The following TBX15 variants were observed in gnomAD, a reference collection of about 807,000 sequenced individuals.
The protein encoded by TBX15 is T-box transcription factor 15, also known as T-box transcription factor TBX15.
A neutral mutation model predicts 53.9 loss-of-function variants in TBX15; 18 were observed. The observed-to-expected ratio is 0.33, with a 90% CI of 0.23 to 0.49. The LOEUF (loss-of-function observed/expected upper bound fraction) is 0.49, where lower values mean the gene tolerates loss of function less well. Among genes scored for constraint, TBX15 ranks in the 20% least tolerant of loss-of-function variants. TBX15 has a pLI of 0.98. For synonymous variants in TBX15, 295 were observed against 278.0 expected, an observed-to-expected ratio of 1.06 and a Z score of -0.61; for missense variants, 692 against 749.5, an observed-to-expected ratio of 0.92 and a Z score of 0.90.
At chr1:118,887,116 G>C (rs888751845) in intron 7 of TBX15, among the ~76,000 whole-genome samples, 1 of 152,136 alleles carries the variant, frequency 6.6e-6, no homozygotes, top group African/African-American at 2.4e-5. Context: ...CTAGGGCTGC[G>C]GGGCCCTTTA....
intron 5 of TBX15, among the ~76,000 whole-genome samples, chr1:118,919,690 C>T (rs1655358765): frequency 6.6e-6 from 1 of 152,164 alleles, no homozygotes; most frequent in Non-Finnish European, 1.5e-5. Context: ...ATATTCAGTG[C>T]TATGCAATAT....
chr1:118,917,239 TA>T lies in TBX15; in HGVS notation c.862-3061del, dbSNP rs1273372323. On this transcript the variant is annotated intron_variant, in intron 5 of 7. Transcript: ENST00000369429. ...TACATCATGGAATACTACACAGCCA[TA>T]AAAAGGAATGAGATCATGTCCTTGG... Among the ~76,000 whole-genome samples, 7 of 152,220 alleles carry T rather than the reference TA, an allele frequency of 4.6e-5. No individual in the cohort carries two copies. In the East Asian group the frequency reaches 1.3e-3, roughly 29 times the overall value.
chr1:118,894,579 A>G (rs968923887), intron 7 of TBX15, among the ~76,000 whole-genome samples: 32 of 152,108 alleles, frequency 2.1e-4, no homozygotes, highest in African/African-American at 7.5e-4. Context: ...TCATGCAGTG[A>G]GAGGTGACGT....
chr1:118,958,039 A>C (rs1656751339), intron 1 of TBX15, among the ~76,000 whole-genome samples: 3 of 152,240 alleles, frequency 2.0e-5, no homozygotes, highest in African/African-American at 7.2e-5. Flanking sequence ...CCATGAATGA[A>C]GTTATCAAAA....
intron 1 of TBX15, among the ~76,000 whole-genome samples, chr1:118,943,948 T>C (rs148610367): frequency 2.9e-4 from 44 of 152,120 alleles, no homozygotes; most frequent in African/African-American, 1.0e-3. Flanking sequence ...GTCTCTCCCA[T>C]TTCAAAACTT....
rs149596055 is a variant in TBX15 at position 118,925,477 on chromosome 1, C to T, written c.522-660G>A. On this transcript the variant is annotated intron_variant, in intron 3 of 7. Transcript: ENST00000369429. ...AACCCGTTTTGAACACCATCTTCTA[C>T]ACTATTTTCCCACAAAGTCACTGGA... 2.2e-4 allele frequency among the ~76,000 whole-genome samples: 34 copies of T among 152,320 alleles called. No homozygotes were observed. In the East Asian group the frequency reaches 5.4e-3, roughly 24 times the overall value.
Position 118,919,145 on chromosome 1 carries a change from TG to T in TBX15, c.861+4290del, listed in dbSNP as rs536601282. Reference sequence around the variant, plus strand: ...CAATTCTCATCAAGAAATAAGACTGTGTTACCTGGGAAAACAAGGCCATGTC... The same window carrying T: ...CAATTCTCATCAAGAAATAAGACTGTTTACCTGGGAAAACAAGGCCATGTC... On this transcript the variant is annotated intron_variant, in intron 5 of 7. Coordinates refer to ENST00000369429, the MANE Select transcript of TBX15 (RefSeq NM_001330677.2). Among the ~76,000 whole-genome samples the T allele has an allele frequency of 8.1e-4, 123 of 152,328 alleles. 1 individual carries two copies. In the South Asian group the frequency reaches 0.01, roughly 13 times the overall value.
rs201737758 is a variant in TBX15 at position 118,885,520 on chromosome 1, A to G, written c.1025-4T>C. The G allele has an allele frequency of 2.8e-4, 444 of 1,574,292 alleles. No homozygotes were observed. The African/African-American group carries it at 4.7e-3, about 17-fold the overall frequency. On this transcript the variant is annotated splice_polypyrimidine_tract_variant and splice_region_variant and intron_variant, in intron 7 of 7. Transcript: ENST00000369429. ...GGGGAAGTGCCTGTGCTGCCTCCTG[A>G]AAAATAAAACGTGAATACTATTGAG...
intron 1 of TBX15, among the ~76,000 whole-genome samples, chr1:118,969,635 C>T (rs997741032): frequency 6.6e-6 from 1 of 152,088 alleles, no homozygotes; most frequent in Admixed American, 6.5e-5. Flanking sequence ...GTTGGAGTGG[C>T]GTTCTCCCAG....
chr1:118,932,786 T>C (rs1655841593), intron 1 of TBX15, among the ~76,000 whole-genome samples: 1 of 152,198 alleles, frequency 6.6e-6, no homozygotes. Flanking sequence ...AATATTTACC[T>C]TTAGGAGCTT....
At chr1:118,916,678 A>T (rs1655233695) in intron 5 of TBX15, among the ~76,000 whole-genome samples, 1 of 152,132 alleles carries the variant, frequency 6.6e-6, no homozygotes, top group Admixed American at 6.6e-5. Context: ...AGCCTGGGAA[A>T]CATGATGAAA....
At chr1:118,913,258 A>G (rs910601060) in intron 6 of TBX15, among the ~76,000 whole-genome samples, 9 of 152,302 alleles carry the variant, frequency 5.9e-5, no homozygotes, top group Non-Finnish European at 1.3e-4. Context: ...ATTAAAATAA[A>G]CAGTCATTGC....
intron 1 of TBX15, among the ~76,000 whole-genome samples, chr1:118,942,319 G>T (rs952207296): frequency 6.6e-6 from 1 of 152,166 alleles, no homozygotes; most frequent in Admixed American, 6.5e-5. Flanking sequence ...TCAGCACCTG[G>T]AACAGTGTCT....
intron 1 of TBX15, among the ~76,000 whole-genome samples, chr1:118,950,329 A>G (rs1656476848): frequency 6.6e-6 from 1 of 152,148 alleles, no homozygotes; most frequent in South Asian, 2.1e-4. Flanking sequence ...CTGAGAAGAG[A>G]CAAAGACAGG....
intron 3 of TBX15, among the ~76,000 whole-genome samples, chr1:118,925,954 A>T (rs34722320): frequency 0.075 from 11,347 of 152,126 alleles, 614 homozygotes; most frequent in East Asian, 0.2. Context: ...TCCAAGAGAC[A>T]TGGAGACTAT....
In TBX15 at chr1:118,987,843, G is replaced by A. The variant is rs184548405; in HGVS notation, c.-48C>T. On this transcript the variant is annotated 5_prime_UTR_variant, in exon 1 of 8. Coordinates refer to ENST00000369429, the MANE Select transcript of TBX15 (RefSeq NM_001330677.2). ...TCCGCTTGCCCCCGCTACCGAGGGA[G>A]CAGCCGGCGCCCTCAAGCTCTGAGC... The A allele has an allele frequency of 3.4e-5, 52 of 1,542,456 alleles. No individual in the cohort carries two copies. The highest frequency in any genetic ancestry group is 1.6e-4 in the South Asian group (13 of 83,858).
At chr1:118,959,039 A>AGAGAGAGAGAGAGAGG (rs1656782337) in intron 1 of TBX15, among the ~76,000 whole-genome samples, 1 of 151,932 alleles carries the variant, frequency 6.6e-6, no homozygotes, top group African/African-American at 2.4e-5. Flanking sequence ...AGAGAGAGAG[A>AGAGAGAGAGAGAGAGG]GAGAGAGAGA....
intron 3 of TBX15, 51 bp downstream of exon 3, chr1:118,926,459 T>C: frequency 1.3e-6 from 2 of 1,500,326 alleles, no homozygotes; most frequent in Non-Finnish European, 1.9e-6. Context: ...TGAAGAATTG[T>C]CTTGGAATGC....
At chr1:118,919,526 G>C (rs1395449689) in intron 5 of TBX15, among the ~76,000 whole-genome samples, 4 of 152,146 alleles carry the variant, frequency 2.6e-5, no homozygotes, top group African/African-American at 9.7e-5. Flanking sequence ...AATGGGGAAA[G>C]AAAAGCATAA....
Sources: allele counts gnomAD v4.1 joint callset (sites outside exome capture counted in the v4.1 genomes callset), GRCh38; gene constraint gnomAD v4.1.1; transcripts MANE v1.5; gene names NCBI Gene and HGNC (gene_info 2026-07-23, HGNC 2026-07-21).